Variants in CHLSN observed in about 807,000 individuals in gnomAD.
CHLSN encodes the protein protein cholesin.
chr7:1,094,775 G>A, the CHLSN span, among the ~76,000 whole-genome samples: 5 of 152,178 alleles, frequency 3.3e-5, no homozygotes, highest in Non-Finnish European at 7.4e-5. Flanking sequence ...GCTGTGTGTC[G>A]GTGGGTGTGG....
At chr7:1,136,589 T>TATATAAACATAAACATATATAAAC in the CHLSN span, among the ~76,000 whole-genome samples, 1 of 124,598 alleles carries the variant, frequency 8.0e-6, no homozygotes, top group African/African-American at 3.5e-5. Context: ...TATATAAACA[T>TATATAAACATAAACATATATAAAC]ATATAAACAT....
chr7:1,019,574 C>A, the CHLSN span, among the ~76,000 whole-genome samples: 1 of 152,236 alleles, frequency 6.6e-6, no homozygotes. Context: ...GAAGGCAAAC[C>A]ACAGAGCGGA....
At chr7:1,113,168 G>A in the CHLSN span, among the ~76,000 whole-genome samples, 1 of 151,314 alleles carries the variant, frequency 6.6e-6, no homozygotes, top group Non-Finnish European at 1.5e-5. Flanking sequence ...AGGCATCCAC[G>A]TCGATGTCCT....
At chr7:1,016,769 CGCA>C in the CHLSN span, among the ~76,000 whole-genome samples, 1 of 81,394 alleles carries the variant, frequency 1.2e-5, no homozygotes, top group East Asian at 2.8e-4. Flanking sequence ...CAGCGCACAG[CGCA>C]CAGCAGCGCA....
the CHLSN span, chr7:988,616 G>T: frequency 3.1e-6 from 5 of 1,604,074 alleles, no homozygotes; most frequent in South Asian, 5.5e-5. Flanking sequence ...CCCACTCTGT[G>T]CCTGGACATC....
chr7:993,228 G>A, the CHLSN span, among the ~76,000 whole-genome samples: 4 of 152,308 alleles, frequency 2.6e-5, no homozygotes, highest in East Asian at 3.9e-4. Flanking sequence ...CAGCTGGAGC[G>A]CGTGGAGAGA....
chr7:1,090,824 T>C, the CHLSN span, among the ~76,000 whole-genome samples: 3 of 152,258 alleles, frequency 2.0e-5, no homozygotes, highest in African/African-American at 7.2e-5. Flanking sequence ...ACATATTATT[T>C]CCCAAAACAA....
chr7:980,929 G>A, the CHLSN span, among the ~76,000 whole-genome samples: 6 of 151,872 alleles, frequency 4.0e-5, no homozygotes, highest in East Asian at 2.0e-4. Flanking sequence ...TCCTGACCTC[G>A]TGATCCGCCC....
At chr7:981,038 G>A in the CHLSN span, among the ~76,000 whole-genome samples, 1 of 151,786 alleles carries the variant, frequency 6.6e-6, no homozygotes, top group Non-Finnish European at 1.5e-5. Flanking sequence ...GCTCACGCCT[G>A]TAATCCCAGT....
chr7:1,089,587 T>A, the CHLSN span, among the ~76,000 whole-genome samples: 2 of 152,008 alleles, frequency 1.3e-5, no homozygotes, highest in Non-Finnish European at 2.9e-5. Flanking sequence ...CCCAGCTACT[T>A]TTTTTGTCTT....
At chr7:1,125,074 G>A in the CHLSN span, among the ~76,000 whole-genome samples, 2 of 152,298 alleles carry the variant, frequency 1.3e-5, no homozygotes, top group Middle Eastern at 3.4e-3. Flanking sequence ...CTCCACCCAC[G>A]CCTGCTGAGC....
At chr7:1,069,301 A>T in the CHLSN span, among the ~76,000 whole-genome samples, 1 of 152,124 alleles carries the variant, frequency 6.6e-6, no homozygotes, top group Non-Finnish European at 1.5e-5. Context: ...ACTGCACTCC[A>T]GCCTGGGCGA....
At chr7:1,031,383 G>C in the CHLSN span, among the ~76,000 whole-genome samples, 1 of 148,456 alleles carries the variant, frequency 6.7e-6, no homozygotes, top group Admixed American at 6.7e-5. Flanking sequence ...AGGGAGGGCA[G>C]AGTGGTCCGG....
the CHLSN span, among the ~76,000 whole-genome samples, chr7:1,034,391 G>C: frequency 3.0e-5 from 4 of 135,056 alleles, no homozygotes; most frequent in Non-Finnish European, 6.8e-5. Flanking sequence ...TAAATTTCAG[G>C]GTTTTTTTTT....
At chr7:1,023,859 G>A in the CHLSN span, among the ~76,000 whole-genome samples, 4 of 152,224 alleles carry the variant, frequency 2.6e-5, no homozygotes, top group Admixed American at 6.5e-5. The surrounding 1 kb of genome is among the most constrained non-coding windows in gnomAD (Gnocchi z 5.0). Context: ...CTTTCCTTTT[G>A]ATACACGGTC....
chr7:1,110,381 A>C, the CHLSN span, among the ~76,000 whole-genome samples: 9 of 152,008 alleles, frequency 5.9e-5, no homozygotes, highest in African/African-American at 1.9e-4. Context: ...AAAGCCAGCC[A>C]CCAAAGACCC....
the CHLSN span, among the ~76,000 whole-genome samples, chr7:982,872 G>T: frequency 6.6e-6 from 1 of 152,220 alleles, no homozygotes; most frequent in Non-Finnish European, 1.5e-5. Flanking sequence ...TCTGAGGGGT[G>T]GCCAAGGCCA....
the CHLSN span, chr7:984,426 C>T: frequency 3.9e-5 from 60 of 1,548,116 alleles, no homozygotes; most frequent in Non-Finnish European, 4.7e-5. Flanking sequence ...CAGAACGCTA[C>T]GGGCCGGTGT....
chr7:1,050,760 G>A, the CHLSN span, among the ~76,000 whole-genome samples: 31,864 of 152,152 alleles, frequency 0.21, 3,487 homozygotes, highest in Admixed American at 0.23. Flanking sequence ...AGTGAGCACC[G>A]CTCAGTAGAT....
Sources: gnomAD v4.1 joint callset for allele counts (sites outside exome capture counted in the v4.1 genomes callset) on GRCh38, gnomAD v4.1.1 for gene constraint, Gnocchi (gnomAD v3.1) non-coding constraint, MANE v1.5 for transcripts, NCBI Gene and HGNC (gene_info 2026-07-23, HGNC 2026-07-21) for gene names.